SLC24A2: variants seen among roughly 807,000 people sequenced by gnomAD.
The protein encoded by SLC24A2 is sodium/potassium/calcium exchanger 2.
In SLC24A2, 36 loss-of-function variants were observed where a neutral mutation model predicts 62.0. The observed-to-expected ratio is 0.58, with a 90% CI of 0.44 to 0.77. The LOEUF (loss-of-function observed/expected upper bound fraction) is 0.77. Ranked by LOEUF, SLC24A2 falls within the 30% of genes least tolerant of loss-of-function variation. The probability of loss-of-function intolerance (pLI) is 0.00; values close to 1 mark genes in which losing one functional copy is unlikely to be tolerated. For synonymous variants in SLC24A2, 358 were observed against 294.0 expected (o/e 1.22, Z -2.23); for missense variants, 846 against 817.9 (o/e 1.03, Z -0.42).
At chr9:19,887,509 T>G in the SLC24A2 span, among the ~76,000 whole-genome samples, 1 of 152,114 alleles carries the variant, frequency 6.6e-6, no homozygotes, top group Non-Finnish European at 1.5e-5. Context: ...CAATACCACT[T>G]TACTCCTGCA....
At chr9:20,178,792 C>T in the SLC24A2 span, among the ~76,000 whole-genome samples, 1 of 152,100 alleles carries the variant, frequency 6.6e-6, no homozygotes, top group African/African-American at 2.4e-5. Context: ...GGAGATGTGT[C>T]AAGTACAACT....
chr9:20,144,534 C>A, the SLC24A2 span, among the ~76,000 whole-genome samples: 1 of 152,176 alleles, frequency 6.6e-6, no homozygotes, highest in Non-Finnish European at 1.5e-5. Context: ...CAGCTTGCTT[C>A]TTGTCAGCTT....
the SLC24A2 span, among the ~76,000 whole-genome samples, chr9:20,142,458 T>A: frequency 3.4e-5 from 5 of 145,540 alleles, no homozygotes; most frequent in Admixed American, 1.3e-4. Context: ...TATTTTTGTT[T>A]TTTAAAAAAT....
chr9:19,920,918 G>C, the SLC24A2 span, among the ~76,000 whole-genome samples: 3 of 152,074 alleles, frequency 2.0e-5, no homozygotes, highest in Admixed American at 6.6e-5. Context: ...GTGACCCTGA[G>C]CAAGTTATTT....
chr9:20,259,440 C>CA, the SLC24A2 span, among the ~76,000 whole-genome samples: 38 of 150,722 alleles, frequency 2.5e-4, no homozygotes, highest in East Asian at 5.1e-3. Context: ...TTTTATTAAC[C>CA]AAAAAAAAAT....
the SLC24A2 span, among the ~76,000 whole-genome samples, chr9:20,119,424 G>C: frequency 1.3e-5 from 2 of 151,952 alleles, no homozygotes; most frequent in African/African-American, 4.8e-5. Flanking sequence ...ATATAAAACA[G>C]GAATTCCAAA....
chr9:19,910,345 T>A, the SLC24A2 span, among the ~76,000 whole-genome samples: 1 of 152,162 alleles, frequency 6.6e-6, no homozygotes, highest in Non-Finnish European at 1.5e-5. Flanking sequence ...TCTACTGCCA[T>A]GTTTCTATAC....
the SLC24A2 span, among the ~76,000 whole-genome samples, chr9:19,812,301 A>C: frequency 5.9e-5 from 9 of 152,098 alleles, no homozygotes; most frequent in Non-Finnish European, 1.0e-4. Flanking sequence ...TGGGAATCCA[A>C]TTAAATTTAT....
chr9:20,156,099 G>C, the SLC24A2 span, among the ~76,000 whole-genome samples: 1 of 151,628 alleles, frequency 6.6e-6, no homozygotes, highest in African/African-American at 2.4e-5. Flanking sequence ...AAACATTGCT[G>C]GATGGCATAT....
chr9:19,827,279 T>C, the SLC24A2 span, among the ~76,000 whole-genome samples: 2 of 152,116 alleles, frequency 1.3e-5, no homozygotes, highest in African/African-American at 4.8e-5. Flanking sequence ...TTCAATATTT[T>C]AGTCAAATGA....
chr9:19,625,160 G>A (rs1818002071), intron 2 of SLC24A2, among the ~76,000 whole-genome samples: 1 of 152,024 alleles, frequency 6.6e-6, no homozygotes, highest in Non-Finnish European at 1.5e-5. Flanking sequence ...ATTAATCTTG[G>A]CATTCTTATG....
the SLC24A2 span, among the ~76,000 whole-genome samples, chr9:20,144,842 A>T: frequency 4.0e-5 from 6 of 148,840 alleles, no homozygotes; most frequent in Non-Finnish European, 7.5e-5. Context: ...ATGTTAGTTT[A>T]AAAAAAAAAG....
chr9:20,176,634 A>G, the SLC24A2 span, among the ~76,000 whole-genome samples: 14 of 152,102 alleles, frequency 9.2e-5, no homozygotes, highest in Non-Finnish European at 1.5e-4. Flanking sequence ...AAGATGCATA[A>G]GTTTTATTTC....
chr9:19,817,159 A>C, the SLC24A2 span, among the ~76,000 whole-genome samples: 1 of 152,194 alleles, frequency 6.6e-6, no homozygotes, highest in East Asian at 1.9e-4. Context: ...TCATATATCA[A>C]AATGCACCAG....
rs751391521 is a variant in SLC24A2, at chr9:19,576,939, C to A, written c.1213G>T (p.Ala405Ser). ...CTGCACTCACCCACGTGGTTGGCAG[C>A]CCCATTCTGCCTCTCGTTCTCATCC... The part of the protein sequence containing the change: ...HVDENERQNG[A>S]ANHVEKIELP... Residue 405 changes from alanine to serine, a missense_variant, in exon 6 of 11, where the codon GCT becomes TCT. Coordinates refer to ENST00000341998, the MANE Select transcript of SLC24A2 (RefSeq NM_020344.4). 6.2e-7 allele frequency: 1 copy of A among 1,613,344 alleles called. No homozygotes were observed. The highest frequency in any genetic ancestry group is 8.5e-7 in the Non-Finnish European group (1 of 1,179,372).
At chr9:19,544,898 T>A (rs543595241) in intron 8 of SLC24A2, among the ~76,000 whole-genome samples, 10 of 152,216 alleles carry the variant, frequency 6.6e-5, no homozygotes, top group Non-Finnish European at 1.5e-4. Flanking sequence ...CTGATGATTA[T>A]GTGTCTTGGG....
At chr9:19,818,252 G>T in the SLC24A2 span, among the ~76,000 whole-genome samples, 12 of 152,038 alleles carry the variant, frequency 7.9e-5, no homozygotes, top group Non-Finnish European at 1.6e-4. Flanking sequence ...CCTGCTACAA[G>T]GTGCTTCATG....
At chr9:19,576,063 C>T (rs1050439642) in intron 6 of SLC24A2, among the ~76,000 whole-genome samples, 1 of 152,118 alleles carries the variant, frequency 6.6e-6, no homozygotes, top group African/African-American at 2.4e-5. Context: ...TATCTAATTG[C>T]ATCTTAACTG....
intron 7 of SLC24A2, among the ~76,000 whole-genome samples, chr9:19,559,242 T>C (rs567305856): frequency 6.6e-6 from 1 of 152,356 alleles, no homozygotes; most frequent in African/African-American, 2.4e-5. Flanking sequence ...AATATGATTC[T>C]ATAATTATTT....
Sources: gnomAD v4.1 joint callset for allele counts (sites outside exome capture counted in the v4.1 genomes callset) on GRCh38, gnomAD v4.1.1 for gene constraint, MANE v1.5 for transcripts, NCBI Gene and HGNC (gene_info 2026-07-23, HGNC 2026-07-21) for gene names.